The following ABCB4 variants were observed in gnomAD, a reference collection of about 807,000 sequenced individuals.
ABCB4 encodes the protein ATP binding cassette subfamily B member 4.
Under a neutral mutation model 145.7 loss-of-function variants are expected in ABCB4, and 76 were observed. The ratio of observed to expected loss-of-function variants is 0.52; its 90% CI spans 0.43 to 0.63. The LOEUF (loss-of-function observed/expected upper bound fraction) is 0.63. ABCB4 is among the 30% of genes least tolerant of loss of function. ABCB4 has a pLI of 0.00. For missense variants in ABCB4, 1,234 were observed against 1,553.1 expected (o/e 0.79, Z 3.45); for synonymous variants, 517 against 566.8 (o/e 0.91, Z 1.25).
rs115941848 is a variant in ABCB4, at chr7:87,455,925, C to T, written c.287-1333G>A. ...TCAATTACCAGGCATCTGGCCCCAA[C>T]TGCAGCATCATCTTTCCCCCAGGAT... is the stretch of plus-strand genomic sequence containing the variant. On this transcript the variant is annotated intron_variant, in intron 4 of 27. Coordinates refer to ENST00000649586, the MANE Select transcript of ABCB4 (RefSeq NM_000443.4). 1.0e-3 allele frequency among the ~76,000 whole-genome samples: 155 copies of T among 152,342 alleles called. 1 individual carries two copies. Among genetic ancestry groups the T allele is most frequent in the African/African-American group, 3.6e-3 (151 of 41,572 alleles).
chr7:87,426,648 A>G (rs1001989528), intron 16 of ABCB4, 102 bp downstream of exon 16: 5 of 1,164,252 alleles, frequency 4.3e-6, no homozygotes, highest in Non-Finnish European at 6.4e-6. Flanking sequence ...GGCTCATAGT[A>G]GCAGTCATCT....
Position 87,406,429 on chromosome 7 carries a change from C to T in ABCB4, c.3345G>A (p.Val1115=). The T allele has an allele frequency of 6.2e-7, 1 of 1,613,962 alleles. No homozygotes were observed. The highest frequency in any genetic ancestry group is 8.5e-7 in the Non-Finnish European group (1 of 1,180,018). ...AGTCAAATAGGATAGGCTCCTGAGA[C>T]ACGATTCCGAGTTGAGCTCTGAGCC... ...VQWLRAQLGI[V]SQEPILFDCS... is the part of the protein sequence containing the mutation. Residue 1115 remains valine, a synonymous_variant, in exon 26 of 28, where the codon GTG becomes GTA. Coordinates refer to ENST00000649586, the MANE Select transcript of ABCB4 (RefSeq NM_000443.4).
intron 23 of ABCB4, among the ~76,000 whole-genome samples, chr7:87,409,973 T>C (rs1326968082): frequency 6.6e-6 from 1 of 152,226 alleles, no homozygotes; most frequent in Non-Finnish European, 1.5e-5. Flanking sequence ...TCAGTTATTA[T>C]GCTTAGTATC....
chr7:87,454,180 C>G (rs112298810), intron 5 of ABCB4, among the ~76,000 whole-genome samples: 29 of 152,190 alleles, frequency 1.9e-4, no homozygotes, highest in African/African-American at 6.7e-4. Context: ...TGCTTACAGG[C>G]TTTAGAGATT....
chr7:87,452,095 A>G (rs1412370047), intron 6 of ABCB4, among the ~76,000 whole-genome samples: 1 of 152,242 alleles, frequency 6.6e-6, no homozygotes, highest in African/African-American at 2.4e-5. Context: ...AGCAAGAATT[A>G]AGAAGAACAT....
the ABCB4 span, among the ~76,000 whole-genome samples, chr7:87,370,398 G>A: frequency 0.06 from 9,139 of 152,154 alleles, 339 homozygotes; most frequent in South Asian, 0.17. Flanking sequence ...GGCCAAGCTG[G>A]TCTTGAACTC....
At chr7:87,396,366 C>T in the ABCB4 span, among the ~76,000 whole-genome samples, 3 of 152,058 alleles carry the variant, frequency 2.0e-5, no homozygotes, top group East Asian at 1.9e-4. Context: ...AGCCAAATGA[C>T]GAGGAGGAAG....
intron 8 of ABCB4, among the ~76,000 whole-genome samples, chr7:87,449,396 T>C (rs1032725807): frequency 1.3e-5 from 2 of 152,100 alleles, no homozygotes; most frequent in African/African-American, 4.8e-5. Flanking sequence ...TTTGTAACCC[T>C]ACTTATTTTG....
intron 3 of ABCB4, among the ~76,000 whole-genome samples, chr7:87,469,019 T>C (rs1813156264): frequency 7.0e-6 from 1 of 142,302 alleles, no homozygotes; most frequent in African/African-American, 2.7e-5. Flanking sequence ...AAAAAGCTTA[T>C]CCACCATGAT....
chr7:87,455,061 T>C (rs1267444448), intron 4 of ABCB4, among the ~76,000 whole-genome samples: 1 of 152,102 alleles, frequency 6.6e-6, no homozygotes. Flanking sequence ...TATATCTGTG[T>C]GTTTTTTCTT....
the ABCB4 span, chr7:87,369,482 C>T: frequency 1.2e-6 from 2 of 1,604,786 alleles, no homozygotes; most frequent in Admixed American, 1.7e-5. Flanking sequence ...CAGAGCTTCT[C>T]AGGTTTTCAG....
At chr7:87,370,994 C>T in the ABCB4 span, among the ~76,000 whole-genome samples, 1 of 152,136 alleles carries the variant, frequency 6.6e-6, no homozygotes, top group African/African-American at 2.4e-5. Context: ...GTGTGTGTTG[C>T]AATACACAGA....
rs779096226 is a variant in ABCB4 at position 87,411,958 on chromosome 7, G to A, written c.2859C>T (p.Ala953=). The change falls in exon 23 of 28, where the codon GCC becomes GCT. Residue 953 remains alanine, a synonymous_variant. Transcript: ENST00000649586. The stretch of plus-strand genomic sequence containing the variant: ...GATATGCACCAAATCGAAAACAACC[G>A]GCATAGGAAAAATACATAAATGCTT... ...ISQAFMYFSY[A]GCFRFGAYLI... 24 of 1,613,748 alleles carry A rather than the reference G, an allele frequency of 1.5e-5. No individual in the cohort carries two copies. Among genetic ancestry groups the A allele is most frequent in the African/African-American group, 1.1e-4 (8 of 75,018 alleles).
intron 4 of ABCB4, among the ~76,000 whole-genome samples, chr7:87,459,735 T>G (rs1231822135): frequency 1.3e-5 from 2 of 152,184 alleles, no homozygotes; most frequent in African/African-American, 4.8e-5. Flanking sequence ...TCTACATTAT[T>G]TCACAGATAT....
rs554442975 is a variant in ABCB4 at position 87,455,820 on chromosome 7, G to A, written c.287-1228C>T. On this transcript the variant is annotated intron_variant, in intron 4 of 27. Transcript: ENST00000649586. The stretch of plus-strand genomic sequence containing the variant: ...CCAGGGGTCGTGTTTTCGTGTTTTC[G>A]TGGTGCTGTGTATCCTCCTTATCTT... 2.6e-5 allele frequency among the ~76,000 whole-genome samples: 4 copies of A among 151,988 alleles called. No homozygotes were observed. The South Asian group carries it at 8.3e-4, about 32-fold the overall frequency.
chr7:87,403,440 A>T, intron 26 of ABCB4, 159 bp from the exon 27 acceptor site: 1 of 661,452 alleles, frequency 1.5e-6, no homozygotes, highest in Non-Finnish European at 2.6e-6. Flanking sequence ...AAAACTAGTG[A>T]CTTTAATTCT....
At chr7:87,438,796 C>T (rs1810784281) in intron 14 of ABCB4, among the ~76,000 whole-genome samples, 1 of 152,012 alleles carries the variant, frequency 6.6e-6, no homozygotes, top group Admixed American at 6.6e-5. Flanking sequence ...AACCATGAGG[C>T]ATTAATTAAC....
intron 18 of ABCB4, among the ~76,000 whole-genome samples, chr7:87,420,934 TC>T (rs1809372117): frequency 2.0e-5 from 3 of 152,170 alleles, no homozygotes; most frequent in Admixed American, 6.5e-5. Flanking sequence ...AGTAACAAAG[TC>T]CTACACACGA....
chr7:87,421,834 A>G (rs1323463884), intron 18 of ABCB4, among the ~76,000 whole-genome samples: 1 of 152,246 alleles, frequency 6.6e-6, no homozygotes, highest in Non-Finnish European at 1.5e-5. Flanking sequence ...GTACTTTCCC[A>G]GTTCCCAACC....
Sources: gnomAD v4.1 joint callset for allele counts (sites outside exome capture counted in the v4.1 genomes callset) on GRCh38, gnomAD v4.1.1 for gene constraint, MANE v1.5 for transcripts, NCBI Gene and HGNC (gene_info 2026-07-23, HGNC 2026-07-21) for gene names.